Variants in GALNT13 observed in about 807,000 individuals in gnomAD.
GALNT13 encodes the protein polypeptide N-acetylgalactosaminyltransferase 13.
Under a neutral mutation model 64.2 loss-of-function variants are expected in GALNT13, and 28 were observed. The ratio of observed to expected loss-of-function variants is 0.44; its 90% confidence interval spans 0.32 to 0.60. The LOEUF (loss-of-function observed/expected upper bound fraction) is 0.60, where lower values mean the gene tolerates loss of function less well. GALNT13 is among the 20% of genes least tolerant of loss of function. The pLI is 0.05. For missense variants in GALNT13, 577 were observed against 669.8 expected (o/e 0.86, Z 1.53); for synonymous variants, 214 against 224.6 (o/e 0.95, Z 0.42).
the GALNT13 span, among the ~76,000 whole-genome samples, chr2:153,236,478 A>G: frequency 6.6e-6 from 1 of 152,096 alleles, no homozygotes; most frequent in African/African-American, 2.4e-5. Context: ...GCAGCTGGTG[A>G]CTATAAGTTG....
chr2:154,020,692 C>A (rs1697394231), intron 3 of GALNT13, among the ~76,000 whole-genome samples: 1 of 150,198 alleles, frequency 6.7e-6, no homozygotes, highest in Non-Finnish European at 1.5e-5. Flanking sequence ...TGTGCAGAAG[C>A]TCTTTAGTTT....
At chr2:154,027,110 C>A (rs892563776) in intron 3 of GALNT13, among the ~76,000 whole-genome samples, 6 of 152,116 alleles carry the variant, frequency 3.9e-5, no homozygotes, top group Admixed American at 1.3e-4. Context: ...TGTAGAATAT[C>A]ATATTCTTTT....
the GALNT13 span, among the ~76,000 whole-genome samples, chr2:153,257,094 A>G: frequency 1.3e-5 from 2 of 152,336 alleles, no homozygotes; most frequent in African/African-American, 4.8e-5. Flanking sequence ...CTGTGCTAGC[A>G]ATCAGTGAGA....
chr2:153,995,800 C>A (rs1000893185), intron 3 of GALNT13, among the ~76,000 whole-genome samples: 1 of 152,100 alleles, frequency 6.6e-6, no homozygotes, highest in Non-Finnish European at 1.5e-5. Flanking sequence ...CTTTGATAAA[C>A]CAACCTCTAC....
At chr2:153,886,395 A>T (rs1687184120) in intron 1 of GALNT13, among the ~76,000 whole-genome samples, 1 of 147,496 alleles carries the variant, frequency 6.8e-6, no homozygotes, top group African/African-American at 2.5e-5. Context: ...CCAGTGTGTG[A>T]TGTTCCCCTT....
At chr2:154,226,942 GTATC>G (rs1427863514) in intron 4 of GALNT13, among the ~76,000 whole-genome samples, 1 of 152,096 alleles carries the variant, frequency 6.6e-6, no homozygotes, top group Non-Finnish European at 1.5e-5. Flanking sequence ...AATGGAAACA[GTATC>G]TATTCTCACA....
intron 3 of GALNT13, among the ~76,000 whole-genome samples, chr2:154,076,056 G>T (rs992310981): frequency 4.0e-5 from 6 of 151,642 alleles, no homozygotes; most frequent in Non-Finnish European, 7.4e-5. Context: ...ACAAAATTTT[G>T]TTGTTGCTCA....
chr2:153,443,786 G>T, the GALNT13 span, among the ~76,000 whole-genome samples: 1 of 152,128 alleles, frequency 6.6e-6, no homozygotes, highest in African/African-American at 2.4e-5. Context: ...AGCCGGGCGT[G>T]ATGGTGGGCT....
the GALNT13 span, among the ~76,000 whole-genome samples, chr2:153,766,236 T>C: frequency 1.3e-5 from 2 of 152,168 alleles, no homozygotes; most frequent in Non-Finnish European, 2.9e-5. Flanking sequence ...ATAGCCATAT[T>C]GGGACTGTTT....
chr2:154,394,452 G>C (rs1004026151), intron 9 of GALNT13, among the ~76,000 whole-genome samples: 9 of 152,046 alleles, frequency 5.9e-5, no homozygotes, highest in African/African-American at 2.2e-4. Context: ...TATTAAATAA[G>C]CCACCTCAAT....
In GALNT13 at chr2:154,266,407, T is replaced by C. The variant is rs113364611; in HGVS notation, c.975+7269T>C. On this transcript the variant is annotated intron_variant, in intron 8 of 12. Transcript: ENST00000392825. ...AGTATTGCTGAAACAAATAAGACAG[T>C]CTTCTTATCAAGGTTGTAGAATATA... Among the ~76,000 whole-genome samples the C allele has an allele frequency of 1.2e-3, 185 of 152,190 alleles. 1 individual carries two copies. Among genetic ancestry groups the C allele is most frequent in the African/African-American group, 4.2e-3 (175 of 41,568 alleles).
chr2:153,398,638 C>T, the GALNT13 span, among the ~76,000 whole-genome samples: 5 of 152,338 alleles, frequency 3.3e-5, no homozygotes, highest in African/African-American at 7.2e-5. Flanking sequence ...GATGGTGTCT[C>T]ATTGTAGTTT....
chr2:153,531,825 C>G, the GALNT13 span, among the ~76,000 whole-genome samples: 3 of 152,118 alleles, frequency 2.0e-5, no homozygotes, highest in Non-Finnish European at 2.9e-5. Flanking sequence ...CATGCAAGTC[C>G]GAAACCCAGC....
At chr2:153,104,976 G>GC in the GALNT13 span, among the ~76,000 whole-genome samples, 1 of 150,892 alleles carries the variant, frequency 6.6e-6, no homozygotes, top group East Asian at 2.0e-4. Context: ...ATGCTGGTGT[G>GC]TGCACCCATT....
chr2:154,301,842 C>A (rs1693458927), intron 9 of GALNT13, among the ~76,000 whole-genome samples: 1 of 151,284 alleles, frequency 6.6e-6, no homozygotes. Context: ...TTGGAGCAAG[C>A]CATACAGAGA....
chr2:153,996,958 C>T (rs1201340672), intron 3 of GALNT13, among the ~76,000 whole-genome samples: 2 of 152,010 alleles, frequency 1.3e-5, no homozygotes, highest in African/African-American at 4.8e-5. Flanking sequence ...GTTCTCAGCA[C>T]CTTTGTAAAA....
the GALNT13 span, among the ~76,000 whole-genome samples, chr2:153,525,165 C>T: frequency 6.6e-6 from 1 of 152,162 alleles, no homozygotes; most frequent in Non-Finnish European, 1.5e-5. Flanking sequence ...GAATCCACTG[C>T]CTTGACGAGA....
chr2:154,367,003 C>A (rs1697400249), intron 9 of GALNT13, among the ~76,000 whole-genome samples: 1 of 152,038 alleles, frequency 6.6e-6, no homozygotes, highest in African/African-American at 2.4e-5. Flanking sequence ...AGGTTGGACA[C>A]TGTGAAATGA....
the GALNT13 span, among the ~76,000 whole-genome samples, chr2:153,249,338 C>T: frequency 1.3e-5 from 2 of 152,072 alleles, no homozygotes; most frequent in Non-Finnish European, 2.9e-5. Context: ...AGGACCTCTT[C>T]AAGGAGAACT....
Sources: allele counts gnomAD v4.1 joint callset (sites outside exome capture counted in the v4.1 genomes callset), GRCh38; gene constraint gnomAD v4.1.1; transcripts MANE v1.5; gene names NCBI Gene and HGNC (gene_info 2026-07-23, HGNC 2026-07-21).